Variants in MCF2L2 observed in about 807,000 individuals in gnomAD.
MCF2L2 encodes the protein MCF.2 cell line derived transforming sequence-like 2, also known as probable guanine nucleotide exchange factor MCF2L2.
A neutral mutation model predicts 150.2 loss-of-function variants in MCF2L2; 102 were observed. The ratio of observed to expected loss-of-function variants is 0.68; its 90% CI spans 0.58 to 0.80. MCF2L2 has a LOEUF of 0.80. Ranked by LOEUF, MCF2L2 falls within the 30% of genes least tolerant of loss-of-function variation. The pLI is 0.00. For synonymous variants in MCF2L2, 465 were observed against 491.3 expected (o/e 0.95, Z 0.71); for missense variants, 1,256 against 1,372.8 (o/e 0.91, Z 1.34).
At chr3:183,221,929 TA>T (rs1723163808) in intron 20 of MCF2L2, among the ~76,000 whole-genome samples, 1 of 152,178 alleles carries the variant, frequency 6.6e-6, no homozygotes, top group South Asian at 2.1e-4. Context: ...AGAGGAAAAC[TA>T]AGGCCCAAGA....
intron 5 of MCF2L2, among the ~76,000 whole-genome samples, chr3:183,336,449 G>A (rs994177606): frequency 6.6e-6 from 1 of 152,072 alleles, no homozygotes; most frequent in East Asian, 1.9e-4. Context: ...ATAGACTCAT[G>A]TTATCTATTT....
At position 183,179,390 on chromosome 3, in the gene MCF2L2, T is replaced by G. The variant is rs758048707; in HGVS notation, c.3335A>C (p.Gln1112Pro). The G allele has an allele frequency of 3.4e-5, 52 of 1,544,110 alleles. No individual in the cohort carries two copies. Among genetic ancestry groups the G allele is most frequent in the Non-Finnish European group, 4.1e-5 (47 of 1,144,862 alleles). Reference sequence around the variant, plus strand: ...GCGTCCGCAGGGAGGTCAGCTCTCCTGGGCGGAGGTCCTCGGGCGCAGCGC... The same window carrying G: ...GCGTCCGCAGGGAGGTCAGCTCTCCGGGGCGGAGGTCCTCGGGCGCAGCGC... ...ARALRPRTSAQES is the reference protein window; with the variant it reads ...ARALRPRTSAPES Residue 1112 changes from glutamine to proline, a missense_variant, in exon 30 of 30, where the codon CAG becomes CCG. Gln to Pro is a moderately conservative substitution (Grantham distance 76, BLOSUM62 -1). Coordinates refer to ENST00000328913, the MANE Select transcript of MCF2L2 (RefSeq NM_015078.4). This position sits in a 1 kb window ranked among gnomAD's most constrained non-coding sequence, Gnocchi z 4.2.
At chr3:183,206,069 G>A (rs1722459396) in intron 24 of MCF2L2, 53 bp downstream of exon 24, 1 of 1,575,388 alleles carries the variant, frequency 6.3e-7, no homozygotes, top group African/African-American at 1.3e-5. Flanking sequence ...CAAGTCATGG[G>A]AACACAATAA....
chr3:183,400,338 G>C, intron 1 of MCF2L2: 1 of 448,090 alleles, frequency 2.2e-6, no homozygotes, highest in South Asian at 1.6e-5. Flanking sequence ...ATGCATCCTT[G>C]CTTCCACACT....
chr3:183,399,598 G>A (rs1714634240), intron 1 of MCF2L2, among the ~76,000 whole-genome samples: 1 of 152,134 alleles, frequency 6.6e-6, no homozygotes, highest in Non-Finnish European at 1.5e-5. Context: ...GCCCATCGAA[G>A]GGAAGCGCTT....
At chr3:183,187,269 G>A (rs1378753187) in intron 27 of MCF2L2, among the ~76,000 whole-genome samples, 1 of 152,136 alleles carries the variant, frequency 6.6e-6, no homozygotes, top group Non-Finnish European at 1.5e-5. Flanking sequence ...TGAGGTACCC[G>A]ACGAGGGACC....
intron 15 of MCF2L2, among the ~76,000 whole-genome samples, chr3:183,250,971 G>A (rs1047348398): frequency 6.6e-6 from 1 of 152,196 alleles, no homozygotes; most frequent in Non-Finnish European, 1.5e-5. Flanking sequence ...CCGTCACTGC[G>A]ATTGCACTAA....
chr3:183,186,313 G>A (rs1448876774), intron 27 of MCF2L2, among the ~76,000 whole-genome samples: 2 of 152,142 alleles, frequency 1.3e-5, no homozygotes, highest in African/African-American at 4.8e-5. Context: ...AGGTGCGGTG[G>A]TACAATCATG....
chr3:183,260,729 G>A (rs1313739173), intron 15 of MCF2L2, among the ~76,000 whole-genome samples: 1 of 152,188 alleles, frequency 6.6e-6, no homozygotes, highest in Non-Finnish European at 1.5e-5. Flanking sequence ...AGATATAAGT[G>A]AGTTTACATA....
intron 5 of MCF2L2, among the ~76,000 whole-genome samples, chr3:183,333,349 C>T (rs931992466): frequency 2.0e-5 from 3 of 152,114 alleles, no homozygotes; most frequent in Non-Finnish European, 4.4e-5. Context: ...GTCCAGCCCT[C>T]TTTCAGAGTA....
At chr3:183,215,170 C>A (rs1024747681) in intron 22 of MCF2L2, among the ~76,000 whole-genome samples, 2 of 152,030 alleles carry the variant, frequency 1.3e-5, no homozygotes, top group Non-Finnish European at 2.9e-5. Flanking sequence ...GATTTTAGCC[C>A]ATGAGACTGT....
At chr3:183,247,792 G>A (rs1724323023) in intron 15 of MCF2L2, among the ~76,000 whole-genome samples, 1 of 152,054 alleles carries the variant, frequency 6.6e-6, no homozygotes, top group Admixed American at 6.5e-5. Context: ...AAACATATGG[G>A]AGAGTGTGCA....
intron 1 of MCF2L2, among the ~76,000 whole-genome samples, chr3:183,417,878 G>A (rs978885432): frequency 6.6e-6 from 1 of 152,114 alleles, no homozygotes; most frequent in Non-Finnish European, 1.5e-5. Context: ...GGAGAGAGAG[G>A]GTGCAGTGGA....
intron 9 of MCF2L2, chr3:183,310,628 A>T (rs1729327597): frequency 2.9e-6 from 1 of 339,254 alleles, no homozygotes; most frequent in South Asian, 2.8e-5. Context: ...ACACCACTGC[A>T]CTCCGGCCGG....
At chr3:183,264,384 C>G (rs1725906385) in intron 15 of MCF2L2, among the ~76,000 whole-genome samples, 1 of 152,220 alleles carries the variant, frequency 6.6e-6, no homozygotes, top group Non-Finnish European at 1.5e-5. Flanking sequence ...TGGTGTCATG[C>G]AGACACACTG....
chr3:183,414,450 C>T (rs926677103), intron 1 of MCF2L2, among the ~76,000 whole-genome samples: 2 of 151,964 alleles, frequency 1.3e-5, no homozygotes, highest in South Asian at 2.1e-4. Flanking sequence ...AAGTCATTTA[C>T]GCCTTCTCTT....
intron 15 of MCF2L2, among the ~76,000 whole-genome samples, chr3:183,256,402 T>A (rs1274067877): frequency 6.6e-6 from 1 of 152,194 alleles, no homozygotes; most frequent in Non-Finnish European, 1.5e-5. Context: ...TAAGAATCTT[T>A]ATATTTAAAG....
At chr3:183,310,856 G>T in intron 9 of MCF2L2, 59 bp downstream of exon 9, 1 of 1,139,818 alleles carries the variant, frequency 8.8e-7, no homozygotes, top group Non-Finnish European at 1.3e-6. Context: ...TGAGGAGGGA[G>T]AGAAAACCAG....
At chr3:183,239,496 GATC>G (rs1723909023) in intron 15 of MCF2L2, among the ~76,000 whole-genome samples, 1 of 151,756 alleles carries the variant, frequency 6.6e-6, no homozygotes, top group Admixed American at 6.6e-5. Flanking sequence ...TAGCAAGAAA[GATC>G]ATTAAGGATT....
Sources: allele counts gnomAD v4.1 joint callset (sites outside exome capture counted in the v4.1 genomes callset), GRCh38; gene constraint gnomAD v4.1.1; non-coding constraint Gnocchi (gnomAD v3.1); transcripts MANE v1.5; gene names NCBI Gene and HGNC (gene_info 2026-07-23, HGNC 2026-07-21).